RAB11FIP4: variants seen among roughly 807,000 people sequenced by gnomAD.
The protein encoded by RAB11FIP4 is RAB11 family interacting protein 4, also known as rab11 family-interacting protein 4.
A neutral mutation model predicts 74.3 loss-of-function variants in RAB11FIP4; 23 were observed. That is an observed-to-expected ratio of 0.31 (90% CI 0.22 to 0.44). RAB11FIP4 has a LOEUF of 0.44. Ranked by LOEUF, RAB11FIP4 falls within the 20% of genes least tolerant of loss-of-function variation. The probability of loss-of-function intolerance (pLI) is 1.00; values close to 1 mark genes in which losing one functional copy is unlikely to be tolerated. For synonymous variants in RAB11FIP4, 360 were observed against 359.9 expected, an observed-to-expected ratio of 1.00 and a Z score of 0.00; for missense variants, 630 against 863.9, an observed-to-expected ratio of 0.73 and a Z score of 3.39.
intron 3 of RAB11FIP4, among the ~76,000 whole-genome samples, chr17:31,442,959 C>CA (rs11435501): frequency 0.5 from 65,047 of 129,158 alleles, 15,717 homozygotes; most frequent in East Asian, 0.62. Context: ...GACTCTGTCT[C>CA]AAAAAAAAAA....
chr17:31,529,725 T>C (rs1483485964), intron 13 of RAB11FIP4, among the ~76,000 whole-genome samples: 1 of 152,180 alleles, frequency 6.6e-6, no homozygotes, highest in African/African-American at 2.4e-5. Flanking sequence ...CTTCTGAGTT[T>C]GTTCCACTGG....
intron 7 of RAB11FIP4, chr17:31,522,603 T>C (rs906187756): frequency 2.2e-5 from 12 of 550,122 alleles, no homozygotes; most frequent in Admixed American, 1.1e-4. Flanking sequence ...TCCCCACCCC[T>C]TGTCCCTTCT....
chr17:31,488,521 C>T (rs2071945538), intron 3 of RAB11FIP4: 2 of 274,006 alleles, frequency 7.3e-6, no homozygotes, highest in Non-Finnish European at 1.2e-5. Flanking sequence ...GGGCGCCTCC[C>T]TGGGGACCCG....
chr17:31,500,418 A>G (rs1039940301), intron 3 of RAB11FIP4, among the ~76,000 whole-genome samples: 3 of 152,212 alleles, frequency 2.0e-5, no homozygotes, highest in African/African-American at 7.2e-5. Context: ...TCAGGTAGCC[A>G]GAAATACTGT....
rs574867666 is a variant in RAB11FIP4, at chr17:31,433,922, C to T, written c.248-112C>T. The T allele has an allele frequency of 2.3e-4, 239 of 1,042,766 alleles. 1 individual carries two copies. In the African/African-American group the frequency reaches 2.7e-3, roughly 12 times the overall value. The allele number at this position is 1,042,766 out of a possible 1,614,324, so 64.6% of individuals were successfully genotyped here. On this transcript the variant is annotated intron_variant, in intron 2 of 14. Coordinates refer to ENST00000621161, the MANE Select transcript of RAB11FIP4 (RefSeq NM_032932.6). ...GTGCTCAGCTGGCCTCCTGGAGCCT[C>T]GGGCCCCCACCTCAGCCCTTCCCAC... is the stretch of plus-strand genomic sequence containing the variant.
intron 3 of RAB11FIP4, among the ~76,000 whole-genome samples, chr17:31,479,061 A>G (rs1241705685): frequency 2.0e-5 from 3 of 152,240 alleles, no homozygotes; most frequent in Admixed American, 6.5e-5. Flanking sequence ...TGTCTCTGCC[A>G]CCACTTAATC....
At chr17:31,405,655 G>A (rs1315845923) in intron 1 of RAB11FIP4, among the ~76,000 whole-genome samples, 2 of 152,146 alleles carry the variant, frequency 1.3e-5, no homozygotes, top group African/African-American at 4.8e-5. Context: ...CACCCAGCCT[G>A]CTCTTTATTT....
At chr17:31,440,646 G>A (rs1443230343) in intron 3 of RAB11FIP4, among the ~76,000 whole-genome samples, 2 of 152,204 alleles carry the variant, frequency 1.3e-5, no homozygotes, top group African/African-American at 2.4e-5. Flanking sequence ...GCACATGTCT[G>A]TAATCCCAGC....
intron 3 of RAB11FIP4, among the ~76,000 whole-genome samples, chr17:31,513,111 G>A (rs116420651): frequency 0.024 from 3,719 of 152,154 alleles, 142 homozygotes; most frequent in African/African-American, 0.084. Context: ...GTGAGGTGGG[G>A]TGATGGTATC....
intron 3 of RAB11FIP4, among the ~76,000 whole-genome samples, chr17:31,461,078 A>T (rs1222897353): frequency 7.2e-6 from 1 of 139,762 alleles, no homozygotes; most frequent in Non-Finnish European, 1.5e-5. Context: ...TGCCCCCCAA[A>T]TCCACAGACC....
chr17:31,474,870 C>CA lies in RAB11FIP4; in HGVS notation c.336+40752dup, dbSNP rs1192733364. The stretch of plus-strand genomic sequence containing the variant: ...AAAAACAAAACAAAACAAAACAAAA[C>CA]AAAACAAAAAACAAAAAAAAAACAG... On this transcript the variant is annotated intron_variant, in intron 3 of 14. Coordinates refer to ENST00000621161, the MANE Select transcript of RAB11FIP4 (RefSeq NM_032932.6). 3.6e-3 allele frequency among the ~76,000 whole-genome samples: 423 copies of CA among 116,790 alleles called. 5 individuals are homozygous for CA. Among genetic ancestry groups the CA allele is most frequent in the African/African-American group, 0.012 (393 of 33,210 alleles). 76.6% of individuals were successfully genotyped at this position (116,790 alleles called of 152,430 possible).
intron 1 of RAB11FIP4, among the ~76,000 whole-genome samples, chr17:31,423,109 C>T (rs896219931): frequency 9.2e-5 from 14 of 151,956 alleles, no homozygotes; most frequent in South Asian, 2.1e-4. Context: ...TTAGTAGAGA[C>T]GGGGTTTCAC....
At chr17:31,443,855 C>T (rs543925005) in intron 3 of RAB11FIP4, among the ~76,000 whole-genome samples, 168 of 152,350 alleles carry the variant, frequency 1.1e-3, no homozygotes, top group African/African-American at 3.8e-3. Flanking sequence ...GCAGAGGTTG[C>T]AGCCAGCAGA....
intron 1 of RAB11FIP4, among the ~76,000 whole-genome samples, chr17:31,426,982 G>A (rs781705931): frequency 6.6e-5 from 10 of 151,554 alleles, no homozygotes; most frequent in African/African-American, 1.9e-4. Context: ...GCTTTGAGAC[G>A]GAATCTTGCC....
At chr17:31,440,166 C>T (rs1022408986) in intron 3 of RAB11FIP4, among the ~76,000 whole-genome samples, 12 of 152,156 alleles carry the variant, frequency 7.9e-5, no homozygotes, top group African/African-American at 2.9e-4. Context: ...AGTATTTATG[C>T]TTAGCTCTTT....
At chr17:31,410,793 T>C (rs1484740396) in intron 1 of RAB11FIP4, among the ~76,000 whole-genome samples, 1 of 152,110 alleles carries the variant, frequency 6.6e-6, no homozygotes, top group Non-Finnish European at 1.5e-5. Context: ...ATGTGCCAGC[T>C]CCAAGACCAG....
intron 1 of RAB11FIP4, among the ~76,000 whole-genome samples, chr17:31,402,910 C>G (rs187249577): frequency 7.2e-5 from 11 of 152,070 alleles, no homozygotes; most frequent in African/African-American, 1.9e-4. Context: ...CAGGCGTGAG[C>G]CACCGCGCCT....
At chr17:31,415,323 A>G (rs1300406177) in intron 1 of RAB11FIP4, among the ~76,000 whole-genome samples, 1 of 152,194 alleles carries the variant, frequency 6.6e-6, no homozygotes, top group Non-Finnish European at 1.5e-5. Flanking sequence ...TGACTGACGA[A>G]TCTGCCTCCG....
chr17:31,520,790 G>GCCA (rs2072650145), intron 4 of RAB11FIP4: 1 of 152,468 alleles, frequency 6.6e-6, no homozygotes, highest in Non-Finnish European at 1.5e-5. Context: ...ACAGGCGTGA[G>GCCA]CCACCGCGCC....
Sources: gnomAD v4.1 joint callset for allele counts (sites outside exome capture counted in the v4.1 genomes callset) on GRCh38, gnomAD v4.1.1 for gene constraint, MANE v1.5 for transcripts, NCBI Gene and HGNC (gene_info 2026-07-23, HGNC 2026-07-21) for gene names.